CUL5: variants seen among roughly 807,000 people sequenced by gnomAD.
CUL5 encodes cullin 5.
CUL5 carries 26 observed loss-of-function variants against 108.8 expected under a neutral mutation model. The observed-to-expected ratio is 0.24, with a 90% CI of 0.18 to 0.33. CUL5 has a LOEUF of 0.33. Ranked by LOEUF, CUL5 falls within the 10% of genes least tolerant of loss-of-function variation. CUL5 has a pLI of 1.00. For synonymous variants in CUL5, 334 were observed against 298.0 expected (o/e 1.12, Z -1.25); for missense variants, 524 against 909.2 (o/e 0.58, Z 5.45).
intron 1 of CUL5, among the ~76,000 whole-genome samples, chr11:108,027,879 A>G (rs1445281800): frequency 6.6e-6 from 1 of 152,114 alleles, no homozygotes; most frequent in Non-Finnish European, 1.5e-5. Context: ...TGTCTTTCTG[A>G]CACACTTTAT....
chr11:108,070,456 GAC>G (rs1266729406), intron 8 of CUL5, among the ~76,000 whole-genome samples: 1 of 152,104 alleles, frequency 6.6e-6, no homozygotes, highest in Non-Finnish European at 1.5e-5. Context: ...TCAAAAGCAA[GAC>G]ACTGCTTTTA....
Position 108,098,513 on chromosome 11 carries a change from G to T in CUL5, c.2132G>T (p.Arg711Leu). The T allele has an allele frequency of 6.4e-7, 1 of 1,564,192 alleles. No individual in the cohort carries two copies. Among genetic ancestry groups the T allele is most frequent in the South Asian group, 1.2e-5 (1 of 81,716 alleles). Residue 711 changes from arginine (R) to leucine (L), a missense_variant, in exon 18 of 19, where the codon CGA becomes CTA. Around this residue, in one of 8 missense-constraint regions of CUL5, gnomAD observed 66 missense variants for 81.4 expected, o/e 0.81. Coordinates refer to ENST00000393094, the MANE Select transcript of CUL5 (RefSeq NM_003478.6). Reference protein sequence around the residue: ...EEENEGIVQLRILRTQEAIIQ... With the variant: ...EEENEGIVQLLILRTQEAIIQ... The stretch of plus-strand genomic sequence containing the variant: ...GAGAATGAAGGAATAGTTCAACTAC[G>T]AATACTAAGAACCCAGGTTTGTAAT...
At chr11:108,011,605 C>A (rs1862058702) in intron 1 of CUL5, among the ~76,000 whole-genome samples, 1 of 151,840 alleles carries the variant, frequency 6.6e-6, no homozygotes, top group Non-Finnish European at 1.5e-5. Context: ...ATAAAAAAAA[C>A]CACCAGCTTT....
In CUL5 at chr11:108,101,887, TCTTC is replaced by T. The variant is rs146070012; in HGVS notation, c.2149-2298_2149-2295del. On this transcript the variant is annotated intron_variant, in intron 18 of 18. Coordinates refer to ENST00000393094, the MANE Select transcript of CUL5 (RefSeq NM_003478.6). ...AGTGCCTGAAGGAACACACTTTCCT[TCTTC>T]CTTCTTCCTCTCTGAACCCCTGACA... Among the ~76,000 whole-genome samples the T allele has an allele frequency of 8.6e-4, 131 of 152,286 alleles. 2 individuals carry two copies. In the East Asian group the frequency reaches 0.024, roughly 28 times the overall value.
At chr11:108,086,864 A>G (rs1864232487) in intron 11 of CUL5, among the ~76,000 whole-genome samples, 1 of 152,196 alleles carries the variant, frequency 6.6e-6, no homozygotes, top group South Asian at 2.1e-4. Context: ...TGATGTACAT[A>G]GAATTCATTT....
chr11:108,101,543 T>A (rs1234687797), intron 18 of CUL5, among the ~76,000 whole-genome samples: 1 of 152,234 alleles, frequency 6.6e-6, no homozygotes, highest in Non-Finnish European at 1.5e-5. Flanking sequence ...TTGGCCTACA[T>A]GGCACACTGT....
intron 2 of CUL5, among the ~76,000 whole-genome samples, chr11:108,037,677 C>T (rs1862782019): frequency 6.6e-6 from 1 of 152,132 alleles, no homozygotes. Context: ...GGCTCAGCAC[C>T]CAAACTTTCT....
At chr11:108,009,825 C>T (rs1301467466) in intron 1 of CUL5, among the ~76,000 whole-genome samples, 1 of 152,176 alleles carries the variant, frequency 6.6e-6, no homozygotes, top group Non-Finnish European at 1.5e-5. Flanking sequence ...CTCGTTCTGT[C>T]TGCACGAAAT....
At chr11:108,088,717 T>C in intron 12 of CUL5, 58 bp downstream of exon 12, 1 of 1,362,118 alleles carries the variant, frequency 7.3e-7, no homozygotes, top group Admixed American at 2.4e-5. Context: ...ATTTGTGTTT[T>C]GCTTATAGGA....
chr11:108,052,263 CCTT>C (rs1472515000), intron 4 of CUL5, among the ~76,000 whole-genome samples: 1 of 152,062 alleles, frequency 6.6e-6, no homozygotes, highest in Admixed American at 6.6e-5. Context: ...CGCAGTCGAC[CCTT>C]CTTTACCATT....
rs71303233 is a variant in CUL5, at chr11:108,091,695, T to TCACACACACACACACACA, written c.1443+2092_1443+2109dup. On this transcript the variant is annotated intron_variant, in intron 13 of 18. Coordinates refer to ENST00000393094, the MANE Select transcript of CUL5 (RefSeq NM_003478.6). ...CAGAGTCAGATCCTGTCTCTCTCAC[T>TCACACACACACACACACA]CACACACACACACACACACACACAC... Among the ~76,000 whole-genome samples, 1,197 of 138,134 alleles carry TCACACACACACACACACA rather than the reference T, an allele frequency of 8.7e-3. 14 individuals are homozygous for TCACACACACACACACACA. Among genetic ancestry groups the TCACACACACACACACACA allele is most frequent in the African/African-American group, 0.023 (835 of 36,082 alleles). The allele number at this position is 138,134 out of a possible 152,430, so 90.6% of individuals were successfully genotyped here.
intron 18 of CUL5, among the ~76,000 whole-genome samples, chr11:108,103,423 A>G (rs1408229471): frequency 6.6e-6 from 1 of 152,118 alleles, no homozygotes; most frequent in Non-Finnish European, 1.5e-5. Flanking sequence ...GGGAAAAAAA[A>G]AACCTTAAAA....
chr11:108,057,847 A>G (rs557288967), intron 7 of CUL5, among the ~76,000 whole-genome samples: 2 of 152,324 alleles, frequency 1.3e-5, no homozygotes, highest in South Asian at 2.1e-4. Flanking sequence ...TAAGATGTTA[A>G]TGTTGGGAGA....
Position 108,046,335 on chromosome 11 carries a change from A to G in CUL5, c.200A>G (p.Glu67Gly). Residue 67 changes from glutamate (E) to glycine (G), a missense_variant, in exon 3 of 19, where the codon GAA becomes GGA. By Grantham distance (98) the Glu-to-Gly change is moderately conservative (BLOSUM62 -2). Transcript: ENST00000393094. ...GCAAAAATTCATCAGGCTTTAAAAG[A>G]AGATATTCTTGAGTTTATTAAGCAA... ...GPAKIHQALK[E>G]DILEFIKQAQ... The G allele has an allele frequency of 6.2e-7, 1 of 1,612,862 alleles. No individual in the cohort carries two copies. The highest frequency in any genetic ancestry group is 8.5e-7 in the Non-Finnish European group (1 of 1,179,312).
At chr11:108,020,138 A>G (rs1397643900) in intron 1 of CUL5, among the ~76,000 whole-genome samples, 1 of 152,202 alleles carries the variant, frequency 6.6e-6, no homozygotes, top group African/African-American at 2.4e-5. Context: ...TTTCAACATG[A>G]GGCTTGGTGG....
intron 16 of CUL5, among the ~76,000 whole-genome samples, chr11:108,097,251 A>G (rs1406527627): frequency 6.6e-6 from 1 of 152,086 alleles, no homozygotes; most frequent in Non-Finnish European, 1.5e-5. Context: ...CCTGAGCTCA[A>G]GTAATCTGCC....
intron 7 of CUL5, among the ~76,000 whole-genome samples, chr11:108,066,767 T>A (rs755644465): frequency 5.3e-5 from 8 of 152,234 alleles, no homozygotes; most frequent in Non-Finnish European, 1.0e-4. Context: ...CAGAGCACAA[T>A]CTTTGTCCTT....
chr11:108,081,184 A>G (rs1864073377), intron 11 of CUL5, among the ~76,000 whole-genome samples: 1 of 151,944 alleles, frequency 6.6e-6, no homozygotes, highest in Non-Finnish European at 1.5e-5. Flanking sequence ...GCTACTTGGG[A>G]GGCTGAGACA....
At chr11:108,043,276 G>C (rs1862980189) in intron 2 of CUL5, among the ~76,000 whole-genome samples, 1 of 152,170 alleles carries the variant, frequency 6.6e-6, no homozygotes, top group Non-Finnish European at 1.5e-5. Flanking sequence ...GTCTTGCCAT[G>C]TGGCCTAGGC....
Sources: gnomAD v4.1 joint callset for allele counts (sites outside exome capture counted in the v4.1 genomes callset) on GRCh38, gnomAD v4.1.1 for gene constraint, gnomAD v4.1.1 regional missense constraint, MANE v1.5 for transcripts, NCBI Gene and HGNC (gene_info 2026-07-23, HGNC 2026-07-21) for gene names.